HSPA12A: variants seen among roughly 807,000 people sequenced by gnomAD.
HSPA12A encodes the protein heat shock 70 kDa protein 12A.
A neutral mutation model predicts 69.2 loss-of-function variants in HSPA12A; 28 were observed. The observed-to-expected ratio is 0.40, with a 90% CI of 0.30 to 0.55. HSPA12A has a LOEUF of 0.55. Ranked by LOEUF, HSPA12A falls within the 20% of genes least tolerant of loss-of-function variation. The pLI is 0.38. For missense variants in HSPA12A, 686 were observed against 900.7 expected, an observed-to-expected ratio of 0.76 and a Z score of 3.05; for synonymous variants, 345 against 370.5, an observed-to-expected ratio of 0.93 and a Z score of 0.79.
At chr10:116,768,854 T>C (rs1316142132) in intron 2 of HSPA12A, among the ~76,000 whole-genome samples, 1 of 152,132 alleles carries the variant, frequency 6.6e-6, no homozygotes, top group Non-Finnish European at 1.5e-5. Flanking sequence ...GACTTTGGCC[T>C]TAGCACAGCC....
intron 2 of HSPA12A, among the ~76,000 whole-genome samples, chr10:116,705,735 G>A (rs1177856368): frequency 1.3e-5 from 2 of 152,156 alleles, no homozygotes; most frequent in African/African-American, 4.8e-5. Context: ...CATCTGTGCT[G>A]GCATTTCATG....
At chr10:116,703,179 G>A (rs1850130645) in intron 3 of HSPA12A, among the ~76,000 whole-genome samples, 1 of 152,184 alleles carries the variant, frequency 6.6e-6, no homozygotes, top group Admixed American at 6.5e-5. Context: ...TGTCAACAGA[G>A]TTGGCTATAG....
intron 1 of HSPA12A, chr10:116,708,300 C>T (rs1850323177): frequency 2.0e-5 from 3 of 152,090 alleles, no homozygotes; most frequent in Non-Finnish European, 2.9e-5. Flanking sequence ...CATCCTGCTC[C>T]GTTTAGTACA....
intron 2 of HSPA12A, among the ~76,000 whole-genome samples, chr10:116,819,635 C>G (rs1282956671): frequency 6.6e-6 from 1 of 151,946 alleles, no homozygotes; most frequent in Non-Finnish European, 1.5e-5. Flanking sequence ...CAATAAATGT[C>G]TGTTGTTTGT....
intron 1 of HSPA12A, among the ~76,000 whole-genome samples, chr10:116,847,659 CCATT>C (rs761705719): frequency 6.6e-6 from 1 of 152,110 alleles, no homozygotes; most frequent in Admixed American, 6.5e-5. Context: ...TGTGTAAAAC[CCATT>C]CAATCACTCA....
chr10:116,726,380 T>A (rs1554885029), intron 1 of HSPA12A, among the ~76,000 whole-genome samples: 1 of 152,040 alleles, frequency 6.6e-6, no homozygotes, highest in Non-Finnish European at 1.5e-5. Context: ...AGCTGCTCAC[T>A]CTACCTCTCT....
chr10:116,712,960 AT>A (rs1308086664), intron 1 of HSPA12A, among the ~76,000 whole-genome samples: 3 of 133,564 alleles, frequency 2.2e-5, no homozygotes, highest in Non-Finnish European at 4.7e-5. Flanking sequence ...TCTGGTACTT[AT>A]GATTTTAAAA....
chr10:116,764,488 A>G (rs1331626860), intron 2 of HSPA12A, among the ~76,000 whole-genome samples: 1 of 152,204 alleles, frequency 6.6e-6, no homozygotes, highest in Non-Finnish European at 1.5e-5. Context: ...AAGACTACAT[A>G]AAGAGAGTAT....
rs1314637023 is a variant in HSPA12A, at chr10:116,686,849, CT to C, written c.664-2888del. On this transcript the variant is annotated intron_variant, in intron 6 of 11. Transcript: ENST00000369209. The surrounding 1 kb of genome is among the most constrained non-coding windows in gnomAD (Gnocchi z 4.1). ...CCTTCCCAAACCATAAGCTCCACCC[CT>C]CATCCCTCTTCCCACACCATAAGCT... Among the ~76,000 whole-genome samples the C allele has an allele frequency of 4.6e-5, 7 of 151,338 alleles. No homozygotes were observed. Among genetic ancestry groups the C allele is most frequent in the South Asian group, 2.1e-4 (1 of 4,750 alleles).
intron 2 of HSPA12A, among the ~76,000 whole-genome samples, chr10:116,776,048 C>A (rs1844329358): frequency 6.6e-6 from 1 of 152,200 alleles, no homozygotes; most frequent in African/African-American, 2.4e-5. Flanking sequence ...AGTTAAGTGA[C>A]CCATCCCATT....
intron 2 of HSPA12A, among the ~76,000 whole-genome samples, chr10:116,819,586 T>C (rs192626215): frequency 6.6e-6 from 1 of 152,262 alleles, no homozygotes; most frequent in African/African-American, 2.4e-5. Flanking sequence ...AATCAGTTGG[T>C]GTCTTGATTT....
intron 2 of HSPA12A, among the ~76,000 whole-genome samples, chr10:116,820,212 T>TA (rs1223711189): frequency 6.6e-6 from 1 of 152,064 alleles, no homozygotes; most frequent in African/African-American, 2.4e-5. Flanking sequence ...CAAAATATTT[T>TA]AAAAAATTAA....
chr10:116,713,402 ACC>A (rs1850505825), intron 1 of HSPA12A, among the ~76,000 whole-genome samples: 6 of 152,084 alleles, frequency 3.9e-5, no homozygotes, highest in Non-Finnish European at 5.9e-5. Context: ...GTGTAAAATA[ACC>A]ACTCTGCAAA....
chr10:116,850,502 C>T (rs188534115), upstream of HSPA12A, among the ~76,000 whole-genome samples: 450 of 152,106 alleles, frequency 3.0e-3, 4 homozygotes, highest in African/African-American at 0.01. Flanking sequence ...CCTTCCAGAT[C>T]TATAAGTAGT....
chr10:116,834,691 T>C (rs1201916695), intron 2 of HSPA12A, among the ~76,000 whole-genome samples: 1 of 152,170 alleles, frequency 6.6e-6, no homozygotes, highest in African/African-American at 2.4e-5. Flanking sequence ...AGGCTTTGGA[T>C]AGGTGGGAAA....
At chr10:116,701,759 G>A (rs1342922873) in intron 3 of HSPA12A, among the ~76,000 whole-genome samples, 8 of 152,220 alleles carry the variant, frequency 5.3e-5, no homozygotes, top group Admixed American at 5.2e-4. Context: ...GAGTATGTGA[G>A]TGGGAAGAGT....
At position 116,846,583 on chromosome 10, in the gene HSPA12A, C is replaced by T. The variant is rs185645062; in HGVS notation, c.3+2983G>A. On this transcript the variant is annotated intron_variant, in intron 1 of 12. Coordinates refer to the HSPA12A transcript ENST00000635765. ...CAGGATGGTCTTGATCTCCTGACCT[C>T]GTGATCCGCCCGCCTCGGCTTCCCA... is the stretch of plus-strand genomic sequence containing the variant. 3.4e-3 allele frequency among the ~76,000 whole-genome samples: 513 copies of T among 152,172 alleles called. 2 individuals carry two copies. The highest frequency in any genetic ancestry group is 5.8e-3 in the South Asian group (28 of 4,818).
At chr10:116,813,930 C>T (rs550721457) in intron 2 of HSPA12A, among the ~76,000 whole-genome samples, 1 of 152,084 alleles carries the variant, frequency 6.6e-6, no homozygotes, top group African/African-American at 2.4e-5. Flanking sequence ...AATAGAATAA[C>T]AGACAGACAA....
At chr10:116,763,101 C>T (rs1844007312) in intron 2 of HSPA12A, among the ~76,000 whole-genome samples, 1 of 152,212 alleles carries the variant, frequency 6.6e-6, no homozygotes, top group Non-Finnish European at 1.5e-5. Flanking sequence ...CAGCTCCAGA[C>T]ACATGGTAAA....
Sources: allele counts gnomAD v4.1 joint callset (sites outside exome capture counted in the v4.1 genomes callset), GRCh38; gene constraint gnomAD v4.1.1; non-coding constraint Gnocchi (gnomAD v3.1); transcripts MANE v1.5; gene names NCBI Gene and HGNC (gene_info 2026-07-23, HGNC 2026-07-21).